The following MRPL39 variants were observed in gnomAD, a reference collection of about 807,000 sequenced individuals.
MRPL39 encodes the protein mitochondrial ribosomal protein L39.
In MRPL39, 35 loss-of-function variants were observed where a neutral mutation model predicts 44.5. The ratio of observed to expected loss-of-function variants is 0.79; its 90% CI spans 0.60 to 1.04. The LOEUF is 1.04. Among genes scored for constraint, MRPL39 ranks in the 50% least tolerant of loss-of-function variants. The probability of loss-of-function intolerance (pLI) is 0.00; values close to 1 mark genes in which losing one functional copy is unlikely to be tolerated. For missense variants in MRPL39, 433 were observed against 413.5 expected (o/e 1.05, Z -0.41); for synonymous variants, 139 against 136.1 (o/e 1.02, Z -0.15).
rs764958208 is a variant in MRPL39, at chr21:25,601,382, G to A, written c.506C>T (p.Ala169Val). 5.6e-6 allele frequency: 9 copies of A among 1,609,064 alleles called. No individual in the cohort carries two copies. The highest frequency in any genetic ancestry group is 1.3e-5 in the African/African-American group (1 of 74,716). ...KDEYMVNLVR[A>V]PEVPVISGAF... Reference sequence around the variant, plus strand: ...GTATACACTACCAGGAACTTCTGGAGCTCTGACCAAATTGACCATATATTC... The same window carrying A: ...GTATACACTACCAGGAACTTCTGGAACTCTGACCAAATTGACCATATATTC... Residue 169 changes from alanine to valine, a missense_variant, in exon 4 of 10, where the codon GCT (alanine) becomes GTT (valine). By Grantham distance (64) the Ala-to-Val change is moderately conservative (BLOSUM62 0). Coordinates refer to ENST00000352957, the MANE Select transcript of MRPL39 (RefSeq NM_017446.4).
At chr21:25,591,848 C>CA in intron 8 of MRPL39, among the ~76,000 whole-genome samples, 1 of 152,174 alleles carries the variant, frequency 6.6e-6, no homozygotes, top group East Asian at 1.9e-4. Context: ...GAAATATTCA[C>CA]AAAAACCTGC....
intron 5 of MRPL39, among the ~76,000 whole-genome samples, chr21:25,598,048 G>GA (rs1341826985): frequency 6.6e-6 from 1 of 151,838 alleles, no homozygotes; most frequent in Non-Finnish European, 1.5e-5. Context: ...TAATAACACA[G>GA]AAAAAACCAA....
chr21:25,603,804 C>A lies in MRPL39; in HGVS notation c.412G>T (p.Val138Leu). 5 of 1,607,020 alleles carry A rather than the reference C, an allele frequency of 3.1e-6. No homozygotes were observed. The highest frequency in any genetic ancestry group is 4.2e-6 in the Non-Finnish European group (5 of 1,177,484). ...LTFKDCDPGE[V>L]NKAYWRSCAM... ...TGTAGAGATAGAAATACCTTATTCA[C>A]TTCTCCTGGATCACAATCTTTGAAA... The change falls in exon 3 of 10, where the codon GTG becomes TTG. Residue 138 changes from valine to leucine, a missense_variant. By Grantham distance (32) the Val-to-Leu change is conservative. Coordinates refer to ENST00000352957, the MANE Select transcript of MRPL39 (RefSeq NM_017446.4).
chr21:25,597,174 G>C (rs1054834156), intron 6 of MRPL39, 128 bp downstream of exon 6: 4 of 615,882 alleles, frequency 6.5e-6, no homozygotes, highest in Non-Finnish European at 8.6e-6. Context: ...AGATCACAGA[G>C]GTCTCAGACT....
chr21:25,592,695 A>C lies in MRPL39; in HGVS notation c.921+117T>G, dbSNP rs749347817. 4.5e-5 allele frequency: 31 copies of C among 696,356 alleles called. 1 individual carries two copies. The highest frequency in any genetic ancestry group is 5.7e-5 in the Non-Finnish European group (27 of 470,858). 43.1% of individuals were successfully genotyped at this position (696,356 alleles called of 1,614,324 possible). A position where few individuals can be genotyped will look rare whatever the true frequency, so the allele number is the denominator to read the frequency against. ...CATAAACCTGAGTTTATAAAATATT[A>C]GTGTCACATAACTTAAGAAAAATTA... On this transcript the variant is annotated intron_variant, in intron 8 of 9. Coordinates refer to ENST00000352957, the MANE Select transcript of MRPL39 (RefSeq NM_017446.4).
intron 8 of MRPL39, among the ~76,000 whole-genome samples, chr21:25,590,423 A>G (rs1342060350): frequency 6.6e-6 from 1 of 151,970 alleles, no homozygotes; most frequent in African/African-American, 2.4e-5. Flanking sequence ...ATAATGTTTT[A>G]AGAAAGTTTA....
chr21:25,599,405 A>G (rs938273434), intron 5 of MRPL39, among the ~76,000 whole-genome samples: 1 of 152,170 alleles, frequency 6.6e-6, no homozygotes, highest in African/African-American at 2.4e-5. Flanking sequence ...CAGCGACCCA[A>G]ACAAGTATGG....
chr21:25,586,016 T>A (rs2030987842), intron 9 of MRPL39, among the ~76,000 whole-genome samples: 1 of 152,214 alleles, frequency 6.6e-6, no homozygotes, highest in African/African-American at 2.4e-5. Flanking sequence ...ATTTTACTTT[T>A]CAGCCGTAAA....
chr21:25,590,270 C>T (rs943336285), intron 8 of MRPL39, among the ~76,000 whole-genome samples: 4 of 151,646 alleles, frequency 2.6e-5, no homozygotes, highest in African/African-American at 7.3e-5. Context: ...TTACCTTAAA[C>T]AACTAAGGAA....
At chr21:25,589,587 A>G (rs1464499869) in intron 8 of MRPL39, among the ~76,000 whole-genome samples, 1 of 152,066 alleles carries the variant, frequency 6.6e-6, no homozygotes, top group East Asian at 1.9e-4. Flanking sequence ...GTCCATAACA[A>G]CCTCCTGTAG....
At chr21:25,590,882 G>A (rs1339407721) in intron 8 of MRPL39, among the ~76,000 whole-genome samples, 2 of 152,114 alleles carry the variant, frequency 1.3e-5, no homozygotes, top group African/African-American at 4.8e-5. Context: ...AGCCTATTTA[G>A]AGCTACAGTA....
chr21:25,600,189 A>C (rs1426726433), intron 4 of MRPL39, among the ~76,000 whole-genome samples: 1 of 152,130 alleles, frequency 6.6e-6, no homozygotes, highest in Admixed American at 6.5e-5. Context: ...TGAGGTCAAG[A>C]ATTTGAGACC....
chr21:25,601,497 T>C (rs778353316), intron 3 of MRPL39, 30 bp from the exon 4 acceptor site: 5 of 1,382,374 alleles, frequency 3.6e-6, no homozygotes, highest in Non-Finnish European at 3.9e-6. Context: ...ATATAAAATA[T>C]ATATAAACAC....
intron 9 of MRPL39, 100 bp downstream of exon 9, chr21:25,588,735 T>C: frequency 8.8e-7 from 1 of 1,135,428 alleles, no homozygotes; most frequent in South Asian, 1.4e-5. Context: ...TTTTTTCCTT[T>C]CTCTTTGTTT....
upstream of MRPL39, chr21:25,607,503 G>T: frequency 6.2e-7 from 1 of 1,606,114 alleles, no homozygotes; most frequent in Non-Finnish European, 8.5e-7. Flanking sequence ...TCGCGCGCAA[G>T]TCCTTCTCCG....
At chr21:25,596,631 C>T (rs2829819) in intron 6 of MRPL39, among the ~76,000 whole-genome samples, 11,600 of 151,790 alleles carry the variant, frequency 0.076, 1,091 homozygotes, top group African/African-American at 0.21. Context: ...AATCAGTAAA[C>T]TTTCACAATT....
At chr21:25,593,289 C>T (rs1014116047) in intron 7 of MRPL39, among the ~76,000 whole-genome samples, 1 of 152,112 alleles carries the variant, frequency 6.6e-6, no homozygotes, top group African/African-American at 2.4e-5. Context: ...ACCCATGTAA[C>T]GAAGCTGAGA....
rs780694003 is a variant in MRPL39 at position 25,607,450 on chromosome 21, C to A, written c.26G>T (p.Arg9Leu). 1 of 1,613,052 alleles carries A rather than the reference C, an allele frequency of 6.2e-7. No homozygotes were observed. The highest frequency in any genetic ancestry group is 8.5e-7 in the Non-Finnish European group (1 of 1,179,952). ...TGCGACCAGCCAGAGCCGCAGCGCC[C>A]GGGAACCCATGGCCAGCGCCTCCAT... MEALAMGS[R>L]ALRLWLVAPG... Residue 9 changes from arginine (R) to leucine (L), a missense_variant, in exon 1 of 10, where the codon CGG becomes CTG. Arg to Leu is a moderately radical substitution (Grantham distance 102). Coordinates refer to ENST00000352957, the MANE Select transcript of MRPL39 (RefSeq NM_017446.4).
chr21:25,606,722 A>C (rs1219847032), intron 1 of MRPL39, 67 bp from the exon 2 acceptor site: 1 of 1,320,870 alleles, frequency 7.6e-7, no homozygotes, highest in East Asian at 2.3e-5. Flanking sequence ...AAGTGCGCTC[A>C]GAGGTAAAAT....
Sources: allele counts gnomAD v4.1 joint callset (sites outside exome capture counted in the v4.1 genomes callset), GRCh38; gene constraint gnomAD v4.1.1; transcripts MANE v1.5; gene names NCBI Gene and HGNC (gene_info 2026-07-23, HGNC 2026-07-21).